The following HSD17B12 variants were observed in gnomAD, a reference collection of about 807,000 sequenced individuals.
HSD17B12 encodes the protein very-long-chain 3-oxoacyl-CoA reductase.
Under a neutral mutation model 39.3 loss-of-function variants are expected in HSD17B12, and 32 were observed. That is an observed-to-expected ratio of 0.81 (90% CI 0.61 to 1.09). HSD17B12 has a LOEUF of 1.09. Ranked by LOEUF, HSD17B12 falls within the 50% of genes least tolerant of loss-of-function variation. HSD17B12 has a pLI of 0.00. For synonymous variants in HSD17B12, 150 were observed against 146.7 expected (o/e 1.02, Z -0.16); for missense variants, 342 against 382.9 (o/e 0.89, Z 0.89).
chr11:43,779,504 G>A (rs1950743602), intron 3 of HSD17B12, among the ~76,000 whole-genome samples: 2 of 152,158 alleles, frequency 1.3e-5, no homozygotes, highest in African/African-American at 4.8e-5. Flanking sequence ...GTCATTAGGA[G>A]ACCCAGATTC....
intron 1 of HSD17B12, among the ~76,000 whole-genome samples, chr11:43,734,996 A>C (rs1268350956): frequency 6.6e-6 from 1 of 152,202 alleles, no homozygotes; most frequent in African/African-American, 2.4e-5. Context: ...TTACCTATTT[A>C]TTCTGGATGT....
the HSD17B12 span, among the ~76,000 whole-genome samples, chr11:43,590,287 G>T: frequency 2.6e-5 from 4 of 151,728 alleles, no homozygotes; most frequent in Non-Finnish European, 5.9e-5. Flanking sequence ...CTCGCTCAAG[G>T]GTTCCTGGCT....
chr11:43,643,414 A>G, the HSD17B12 span, among the ~76,000 whole-genome samples: 7 of 152,166 alleles, frequency 4.6e-5, no homozygotes, highest in African/African-American at 1.7e-4. Flanking sequence ...TAAAATATGT[A>G]ATTGTGCAGT....
the HSD17B12 span, among the ~76,000 whole-genome samples, chr11:43,658,776 G>A: frequency 1.6e-4 from 24 of 152,234 alleles, no homozygotes; most frequent in African/African-American, 5.3e-4. Flanking sequence ...ACGAGTACCC[G>A]GCCGTGTGAG....
the HSD17B12 span, among the ~76,000 whole-genome samples, chr11:43,583,967 G>T: frequency 6.6e-6 from 1 of 152,110 alleles, no homozygotes; most frequent in African/African-American, 2.4e-5. Context: ...AAGACCAGGG[G>T]TTATCTGTGG....
At chr11:43,677,363 C>T (rs1318695036), upstream of HSD17B12, among the ~76,000 whole-genome samples, 3 of 152,082 alleles carry the variant, frequency 2.0e-5, no homozygotes, top group East Asian at 5.8e-4. Context: ...CCTTTCTGAG[C>T]CCAAATCCAT....
upstream of HSD17B12, among the ~76,000 whole-genome samples, chr11:43,676,102 G>GA (rs879768252): frequency 1.3e-4 from 19 of 151,182 alleles, no homozygotes; most frequent in Non-Finnish European, 1.8e-4. Context: ...GTAAGAGCGG[G>GA]AAAAAAAAGA....
At chr11:43,818,298 A>C (rs971316983) in intron 6 of HSD17B12, among the ~76,000 whole-genome samples, 1 of 152,184 alleles carries the variant, frequency 6.6e-6, no homozygotes, top group African/African-American at 2.4e-5. Flanking sequence ...CATAATAACT[A>C]GTCTGGTTGC....
At chr11:43,645,285 A>G in the HSD17B12 span, 1 of 152,202 alleles carries the variant, frequency 6.6e-6, no homozygotes, top group African/African-American at 2.4e-5. Flanking sequence ...TTTCTGCCAC[A>G]ATGTACTGCT....
intron 1 of HSD17B12, among the ~76,000 whole-genome samples, chr11:43,682,775 GTTTTC>G (rs1949761630): frequency 7.0e-6 from 1 of 142,288 alleles, no homozygotes; most frequent in African/African-American, 2.5e-5. Context: ...ATAACTTGTT[GTTTTC>G]TTTTCTTTTC....
In HSD17B12 at chr11:43,771,893, C is replaced by T. The variant is rs576121781; in HGVS notation, c.283+17772C>T. Among the ~76,000 whole-genome samples, 3 of 152,226 alleles carry T rather than the reference C, an allele frequency of 2.0e-5. No homozygotes were observed. In the East Asian group the frequency reaches 5.8e-4, roughly 29 times the overall value. On this transcript the variant is annotated intron_variant, in intron 3 of 10. Transcript: ENST00000278353. ...AATATGGTAGCAGACTCAGAATTTG[C>T]ACCTTTGTTTCTTCTATAAACTGTC...
the HSD17B12 span, among the ~76,000 whole-genome samples, chr11:43,597,102 C>A: frequency 6.6e-6 from 1 of 152,226 alleles, no homozygotes; most frequent in African/African-American, 2.4e-5. Flanking sequence ...ATTTAAACAG[C>A]ACTGAATTCC....
At chr11:43,655,088 T>C in the HSD17B12 span, among the ~76,000 whole-genome samples, 2 of 152,192 alleles carry the variant, frequency 1.3e-5, no homozygotes, top group East Asian at 3.8e-4. Flanking sequence ...CACTGAGCAG[T>C]GGTTTGTAGT....
At chr11:43,697,905 G>A (rs1358513788) in intron 1 of HSD17B12, among the ~76,000 whole-genome samples, 2 of 152,188 alleles carry the variant, frequency 1.3e-5, no homozygotes, top group Non-Finnish European at 2.9e-5. Context: ...GTGGGAAGTC[G>A]TTGAAAGATT....
At chr11:43,657,819 C>CTGGCTA in the HSD17B12 span, among the ~76,000 whole-genome samples, 3 of 152,232 alleles carry the variant, frequency 2.0e-5, no homozygotes, top group Non-Finnish European at 4.4e-5. Context: ...ACCTTTCTCT[C>CTGGCTA]TGGCTACCCT....
the HSD17B12 span, chr11:43,644,974 G>T: frequency 1.3e-5 from 2 of 152,222 alleles, no homozygotes; most frequent in Non-Finnish European, 2.9e-5. Flanking sequence ...GAGCACCAGG[G>T]TTGCAGGTAC....
At chr11:43,629,013 A>G in the HSD17B12 span, among the ~76,000 whole-genome samples, 1 of 152,098 alleles carries the variant, frequency 6.6e-6, no homozygotes, top group Non-Finnish European at 1.5e-5. Context: ...GTCTGGATCT[A>G]TGTTTGTAAT....
the HSD17B12 span, among the ~76,000 whole-genome samples, chr11:43,589,192 A>G: frequency 6.6e-6 from 1 of 152,144 alleles, no homozygotes; most frequent in Non-Finnish European, 1.5e-5. Flanking sequence ...CGCATATTTA[A>G]TCTTCATTCT....
chr11:43,678,710 G>A (rs1949714139), upstream of HSD17B12, among the ~76,000 whole-genome samples: 1 of 152,150 alleles, frequency 6.6e-6, no homozygotes, highest in Admixed American at 6.5e-5. Context: ...CCCATTTCTT[G>A]TTTTTGCCAG....
Sources: allele counts gnomAD v4.1 joint callset (sites outside exome capture counted in the v4.1 genomes callset), GRCh38; gene constraint gnomAD v4.1.1; transcripts MANE v1.5; gene names NCBI Gene and HGNC (gene_info 2026-07-23, HGNC 2026-07-21).